Variants in ITPR1 observed in about 807,000 individuals in gnomAD.
The protein encoded by ITPR1 is inositol 1,4,5-trisphosphate-gated calcium channel ITPR1.
Under a neutral mutation model 318.4 loss-of-function variants are expected in ITPR1, and 96 were observed. That is an observed-to-expected ratio of 0.30 (90% CI 0.26 to 0.36). The LOEUF (loss-of-function observed/expected upper bound fraction) is 0.36, where lower values mean the gene tolerates loss of function less well. ITPR1 is among the 10% of genes least tolerant of loss of function. ITPR1 has a pLI of 1.00. For missense variants in ITPR1, 2,440 were observed against 3,460.2 expected, an observed-to-expected ratio of 0.71 and a Z score of 7.40; for synonymous variants, 1,312 against 1,289.9, an observed-to-expected ratio of 1.02 and a Z score of -0.37.
chr3:4,738,976 G>A (rs1228983569), intron 44 of ITPR1, among the ~76,000 whole-genome samples: 1 of 152,210 alleles, frequency 6.6e-6, no homozygotes. Context: ...GTCTAACCCA[G>A]TGTCTCACAG....
intron 5 of ITPR1, among the ~76,000 whole-genome samples, chr3:4,630,827 A>G (rs796491776): frequency 1.7e-4 from 26 of 152,098 alleles, no homozygotes; most frequent in African/African-American, 5.8e-4. Flanking sequence ...ACCTCAAGTG[A>G]TCCACTGCCT....
rs775200179 is a variant in ITPR1, at chr3:4,566,603, T to TGCACAC, written c.163+45510_163+45515dup. Among the ~76,000 whole-genome samples, 240 of 46,774 alleles carry TGCACAC rather than the reference T, an allele frequency of 5.1e-3. 4 individuals are homozygous for TGCACAC. Among genetic ancestry groups the TGCACAC allele is most frequent in the Non-Finnish European group, 5.7e-3 (123 of 21,654 alleles). The allele number at this position is 46,774 out of a possible 152,430, so 30.7% of individuals were successfully genotyped here. A position where few individuals can be genotyped will look rare whatever the true frequency, so the allele number is the denominator to read the frequency against. ...CCCAGGAAGCCTGAATGGGGACACA[T>TGCACAC]GCACACACACACACACACACACACA... On this transcript the variant is annotated intron_variant, in intron 4 of 61. Coordinates refer to ENST00000649015, the MANE Select transcript of ITPR1 (RefSeq NM_001378452.1).
chr3:4,834,025 A>G (rs554499756), intron 60 of ITPR1, among the ~76,000 whole-genome samples: 14 of 152,246 alleles, frequency 9.2e-5, no homozygotes, highest in African/African-American at 2.6e-4. Flanking sequence ...CCGAGTGGCT[A>G]GGACTACAGG....
intron 44 of ITPR1, among the ~76,000 whole-genome samples, chr3:4,736,927 G>A (rs1346710616): frequency 6.6e-6 from 1 of 152,178 alleles, no homozygotes; most frequent in African/African-American, 2.4e-5. Context: ...TCGTCTGTGA[G>A]GATTTTCTCC....
At chr3:4,761,064 C>T (rs995145690) in intron 44 of ITPR1, among the ~76,000 whole-genome samples, 1 of 152,230 alleles carries the variant, frequency 6.6e-6, no homozygotes, top group Non-Finnish European at 1.5e-5. Context: ...AGAAAGTTGT[C>T]TCATTCCCAT....
intron 44 of ITPR1, among the ~76,000 whole-genome samples, chr3:4,756,819 T>C (rs1192335767): frequency 6.6e-6 from 1 of 152,268 alleles, no homozygotes; most frequent in Non-Finnish European, 1.5e-5. Flanking sequence ...GACACTAGTC[T>C]TTGGCCATTT....
At chr3:4,833,198 T>G (rs978953572) in intron 60 of ITPR1, among the ~76,000 whole-genome samples, 1 of 152,220 alleles carries the variant, frequency 6.6e-6, no homozygotes, top group Non-Finnish European at 1.5e-5. Flanking sequence ...CTGAAATCAT[T>G]GCCTAGAGGG....
chr3:4,824,400 G>A (rs917843344), intron 60 of ITPR1, among the ~76,000 whole-genome samples: 12 of 152,196 alleles, frequency 7.9e-5, no homozygotes, highest in South Asian at 6.2e-4. Context: ...GCAGGGTCGC[G>A]GCGCTGGGAA....
chr3:4,840,981 C>A (rs544987815), intron 61 of ITPR1, among the ~76,000 whole-genome samples: 16 of 152,348 alleles, frequency 1.1e-4, no homozygotes, highest in African/African-American at 3.8e-4. Flanking sequence ...CATGTTACAG[C>A]ATTTGGCATT....
At chr3:4,722,510 T>A (rs536630272) in intron 40 of ITPR1, among the ~76,000 whole-genome samples, 1 of 152,362 alleles carries the variant, frequency 6.6e-6, no homozygotes, top group East Asian at 1.9e-4. Flanking sequence ...CATTTATTCA[T>A]TTACTAAACA....
At chr3:4,794,177 C>A (rs1183223791) in intron 52 of ITPR1, among the ~76,000 whole-genome samples, 1 of 152,162 alleles carries the variant, frequency 6.6e-6, no homozygotes. Context: ...TGGAGCATCA[C>A]CCTAAGTGTA....
chr3:4,652,039 G>A, intron 10 of ITPR1, 84 bp from the exon 11 acceptor site: 2 of 1,050,984 alleles, frequency 1.9e-6, no homozygotes, highest in Non-Finnish European at 2.9e-6. Context: ...CATCCCTCCT[G>A]AACTATGACT....
chr3:4,824,793 C>T (rs989557938), intron 60 of ITPR1, among the ~76,000 whole-genome samples: 8 of 152,184 alleles, frequency 5.3e-5, no homozygotes, highest in African/African-American at 1.9e-4. Flanking sequence ...GCAACCACTG[C>T]TCAGACAACC....
chr3:4,661,506 C>G (rs2093832270), intron 14 of ITPR1, among the ~76,000 whole-genome samples: 1 of 152,070 alleles, frequency 6.6e-6, no homozygotes, highest in Non-Finnish European at 1.5e-5. Context: ...TCTCTCCAGC[C>G]CCTTTACTTT....
At chr3:4,620,868 T>C (rs1323735724) in intron 4 of ITPR1, among the ~76,000 whole-genome samples, 1 of 152,154 alleles carries the variant, frequency 6.6e-6, no homozygotes, top group Non-Finnish European at 1.5e-5. Context: ...TTTGTGATAC[T>C]GACTTCCTCA....
chr3:4,706,285 T>G lies in ITPR1; in HGVS notation c.4776T>G (p.Asn1592Lys). 6.2e-7 allele frequency: 1 copy of G among 1,614,050 alleles called. No individual in the cohort carries two copies. Among genetic ancestry groups the G allele is most frequent in the Non-Finnish European group, 8.5e-7 (1 of 1,179,888 alleles). Reference sequence around the variant, plus strand: ...TGAACTGGCGGCTCTCAGCCCGCAATGCCGCACGCAGGGACTCTGTTCTGG... The same window carrying G: ...TGAACTGGCGGCTCTCAGCCCGCAAGGCCGCACGCAGGGACTCTGTTCTGG... ...TAMNWRLSAR[N>K]AARRDSVLAA... The change falls in exon 37 of 62, where the codon AAT becomes AAG. Residue 1592 changes from asparagine (N) to lysine (K), a missense_variant. Coordinates refer to ENST00000649015, the MANE Select transcript of ITPR1 (RefSeq NM_001378452.1).
chr3:4,542,727 T>A (rs2084582582), intron 4 of ITPR1, among the ~76,000 whole-genome samples: 1 of 152,098 alleles, frequency 6.6e-6, no homozygotes, highest in South Asian at 2.1e-4. Flanking sequence ...CTTAGAAAAC[T>A]TTTGATCTTG....
intron 49 of ITPR1, among the ~76,000 whole-genome samples, chr3:4,781,141 A>C (rs2046811213): frequency 6.6e-6 from 1 of 152,238 alleles, no homozygotes; most frequent in Non-Finnish European, 1.5e-5. Context: ...AAGCTCAGAC[A>C]GTGAGGCTCT....
At chr3:4,801,851 G>C (rs1050078734) in intron 54 of ITPR1, among the ~76,000 whole-genome samples, 1 of 152,222 alleles carries the variant, frequency 6.6e-6, no homozygotes, top group Non-Finnish European at 1.5e-5. Context: ...ATTGAGAAGA[G>C]TTCTTTGGTT....
Sources: gnomAD v4.1 joint callset for allele counts (sites outside exome capture counted in the v4.1 genomes callset) on GRCh38, gnomAD v4.1.1 for gene constraint, MANE v1.5 for transcripts, NCBI Gene and HGNC (gene_info 2026-07-23, HGNC 2026-07-21) for gene names.